HEMK2: variants seen among roughly 807,000 people sequenced by gnomAD.
HEMK2 encodes HemK methyltransferase 2, ETF1 glutamine and histone H4 lysine.
At chr21:28,833,768 T>C in the HEMK2 span, among the ~76,000 whole-genome samples, 1 of 152,222 alleles carries the variant, frequency 6.6e-6, no homozygotes, top group Non-Finnish European at 1.5e-5. Flanking sequence ...GCCTCTATCG[T>C]TTTCTCACTA....
the HEMK2 span, among the ~76,000 whole-genome samples, chr21:28,580,625 G>C: frequency 6.6e-6 from 1 of 151,552 alleles, no homozygotes; most frequent in Non-Finnish European, 1.5e-5. Context: ...CACAGTGAAA[G>C]TGCCTGCCCT....
the HEMK2 span, chr21:28,876,409 T>G: frequency 6.2e-7 from 1 of 1,611,152 alleles, no homozygotes. Context: ...ACTTGAGGAC[T>G]GAAAGAGTTT....
At chr21:28,808,729 T>C in the HEMK2 span, among the ~76,000 whole-genome samples, 1 of 152,156 alleles carries the variant, frequency 6.6e-6, no homozygotes, top group Non-Finnish European at 1.5e-5. Context: ...ATACCGTGAT[T>C]TTGCTAAATT....
the HEMK2 span, among the ~76,000 whole-genome samples, chr21:28,840,110 G>C: frequency 3.3e-5 from 5 of 152,054 alleles, no homozygotes; most frequent in Non-Finnish European, 7.4e-5. Flanking sequence ...AAAACATAAA[G>C]TGGGGAAACG....
chr21:28,841,288 A>ATATATTATATATAAATATATAT, the HEMK2 span, among the ~76,000 whole-genome samples: 28 of 6,184 alleles, frequency 4.5e-3, 2 homozygotes, highest in African/African-American at 0.043. Context: ...TATATATAAT[A>ATATATTATATATAAATATATAT]TATATTATAT....
the HEMK2 span, among the ~76,000 whole-genome samples, chr21:28,800,414 G>A: frequency 1.3e-5 from 2 of 151,784 alleles, no homozygotes; most frequent in African/African-American, 2.4e-5. Flanking sequence ...CTGTGTTCAC[G>A]ACCCTTTCAG....
the HEMK2 span, among the ~76,000 whole-genome samples, chr21:28,716,659 T>A: frequency 6.6e-6 from 1 of 152,102 alleles, no homozygotes; most frequent in Non-Finnish European, 1.5e-5. Context: ...TCCGGTACTA[T>A]GCAGCAAAAC....
the HEMK2 span, among the ~76,000 whole-genome samples, chr21:28,692,523 T>TA: frequency 3.9e-5 from 6 of 152,034 alleles, no homozygotes; most frequent in African/African-American, 1.4e-4. Context: ...CTCTTTTAAA[T>TA]AAAAACACTA....
chr21:28,695,897 A>T, the HEMK2 span, among the ~76,000 whole-genome samples: 3 of 152,184 alleles, frequency 2.0e-5, no homozygotes, highest in African/African-American at 7.2e-5. Context: ...CAAGTTAATT[A>T]CTTCCCAGAT....
the HEMK2 span, among the ~76,000 whole-genome samples, chr21:28,685,479 A>ATGAGATACCATCTCACACCAGTCAG: frequency 6.6e-6 from 1 of 152,164 alleles, no homozygotes; most frequent in African/African-American, 2.4e-5. Flanking sequence ...GTAAAGTGGA[A>ATGAGATACCATCTCACACCAGTCAG]AAGGAAAAAT....
the HEMK2 span, among the ~76,000 whole-genome samples, chr21:28,739,549 T>G: frequency 6.6e-6 from 1 of 152,306 alleles, no homozygotes; most frequent in African/African-American, 2.4e-5. Flanking sequence ...GGGAGAAAAC[T>G]AAATCTTCAA....
chr21:28,854,479 A>AATAGATATATCTATATATCTATATCT, the HEMK2 span, among the ~76,000 whole-genome samples: 15 of 151,924 alleles, frequency 9.9e-5, no homozygotes, highest in Non-Finnish European at 2.1e-4. Flanking sequence ...GACAGAATGG[A>AATAGATATATCTATATATCTATATCT]ATAGATATAT....
chr21:28,782,177 T>C, the HEMK2 span, among the ~76,000 whole-genome samples: 1 of 152,244 alleles, frequency 6.6e-6, no homozygotes, highest in Non-Finnish European at 1.5e-5. Context: ...CAAGTGACAG[T>C]GACTTTATTC....
At chr21:28,813,817 G>C in the HEMK2 span, among the ~76,000 whole-genome samples, 6 of 152,156 alleles carry the variant, frequency 3.9e-5, no homozygotes, top group African/African-American at 1.2e-4. Flanking sequence ...ACAAAAACAA[G>C]CAATAGGAAA....
the HEMK2 span, among the ~76,000 whole-genome samples, chr21:28,691,546 G>A: frequency 6.6e-6 from 1 of 151,972 alleles, no homozygotes; most frequent in African/African-American, 2.4e-5. Flanking sequence ...GGTGTTACAG[G>A]TTGATCTTAT....
chr21:28,625,507 A>T, the HEMK2 span, among the ~76,000 whole-genome samples: 6 of 152,046 alleles, frequency 3.9e-5, no homozygotes, highest in East Asian at 1.2e-3. Flanking sequence ...ATCACTTGAC[A>T]TCAGGAGTTC....
chr21:28,866,175 A>AAAAAAACACAC, the HEMK2 span, among the ~76,000 whole-genome samples: 2 of 76,234 alleles, frequency 2.6e-5, no homozygotes, highest in Admixed American at 1.6e-4. Flanking sequence ...CAAAAAAAAA[A>AAAAAAACACAC]ACACACACAC....
chr21:28,729,986 G>C, the HEMK2 span, among the ~76,000 whole-genome samples: 21 of 152,210 alleles, frequency 1.4e-4, no homozygotes, highest in Non-Finnish European at 2.5e-4. Flanking sequence ...GAGGGGCAAA[G>C]GGCTTCCTCA....
the HEMK2 span, among the ~76,000 whole-genome samples, chr21:28,832,013 AT>A: frequency 6.6e-6 from 1 of 152,190 alleles, no homozygotes; most frequent in Non-Finnish European, 1.5e-5. Flanking sequence ...AGAATTAACT[AT>A]TTTTTTAACA....
Sources: gnomAD v4.1 joint callset for allele counts (sites outside exome capture counted in the v4.1 genomes callset) on GRCh38, gnomAD v4.1.1 for gene constraint, MANE v1.5 for transcripts, NCBI Gene and HGNC (gene_info 2026-07-23, HGNC 2026-07-21) for gene names.